Variants in HIKESHI observed in about 807,000 individuals in gnomAD.
HIKESHI encodes heat shock protein nuclear import factor hikeshi.
In HIKESHI, 13 loss-of-function variants were observed where a neutral mutation model predicts 25.7. The ratio of observed to expected loss-of-function variants is 0.51; its 90% CI spans 0.33 to 0.80. The LOEUF (loss-of-function observed/expected upper bound fraction) is 0.80. Ranked by LOEUF, HIKESHI falls within the 30% of genes least tolerant of loss-of-function variation. HIKESHI has a pLI of 0.02. For synonymous variants in HIKESHI, 76 were observed against 78.7 expected (o/e 0.97, Z 0.18); for missense variants, 174 against 229.5 (o/e 0.76, Z 1.56).
At chr11:86,308,912 C>T (rs1250841972) in intron 2 of HIKESHI, among the ~76,000 whole-genome samples, 7 of 152,038 alleles carry the variant, frequency 4.6e-5, no homozygotes, top group Admixed American at 2.6e-4. Context: ...TCCTTTTTTA[C>T]GGCTGCATAG....
chr11:86,310,069 G>A (rs1359839937), intron 2 of HIKESHI, among the ~76,000 whole-genome samples: 1 of 148,062 alleles, frequency 6.8e-6, no homozygotes, highest in Non-Finnish European at 1.5e-5. Flanking sequence ...GGTTCCATAT[G>A]AACTTTAAAG....
chr11:86,316,986 G>C (rs1378104989), intron 2 of HIKESHI, among the ~76,000 whole-genome samples: 1 of 151,554 alleles, frequency 6.6e-6, no homozygotes, highest in East Asian at 1.9e-4. Context: ...TAGAGGCAGG[G>C]TTCCACCTTG....
intron 2 of HIKESHI, among the ~76,000 whole-genome samples, chr11:86,327,376 G>A (rs773046462): frequency 1.7e-4 from 25 of 151,398 alleles, no homozygotes; most frequent in African/African-American, 4.9e-4. Flanking sequence ...GCGTAGTGGC[G>A]CAATCTCGGC....
chr11:86,308,729 C>T (rs550670924), intron 2 of HIKESHI, among the ~76,000 whole-genome samples: 1 of 152,014 alleles, frequency 6.6e-6, no homozygotes, highest in East Asian at 1.9e-4. Context: ...CTCCCCACAC[C>T]CCACAACAGG....
At chr11:86,307,167 C>T (rs1946652863) in intron 2 of HIKESHI, among the ~76,000 whole-genome samples, 1 of 99,488 alleles carries the variant, frequency 1.0e-5, no homozygotes, top group Non-Finnish European at 1.9e-5. Flanking sequence ...GTGTAATATA[C>T]ATCATATATC....
chr11:86,308,558 T>TA (rs1264038260), intron 2 of HIKESHI, among the ~76,000 whole-genome samples: 2 of 136,928 alleles, frequency 1.5e-5, no homozygotes, highest in African/African-American at 5.7e-5. Flanking sequence ...GCCATAATTC[T>TA]TTTTATTTAT....
chr11:86,310,477 G>T (rs1946805791), intron 2 of HIKESHI, among the ~76,000 whole-genome samples: 1 of 152,126 alleles, frequency 6.6e-6, no homozygotes, highest in Non-Finnish European at 1.5e-5. Flanking sequence ...CTAGACGATG[G>T]GGTTTTCTAA....
At chr11:86,325,177 CA>C (rs1361741492) in intron 2 of HIKESHI, among the ~76,000 whole-genome samples, 2 of 142,790 alleles carry the variant, frequency 1.4e-5, no homozygotes, top group Non-Finnish European at 1.5e-5. Flanking sequence ...GACCCTGTCT[CA>C]AAAAAAAAGG....
chr11:86,340,165 G>A (rs1250198151), intron 3 of HIKESHI, among the ~76,000 whole-genome samples: 1 of 152,134 alleles, frequency 6.6e-6, no homozygotes, highest in African/African-American at 2.4e-5. Flanking sequence ...GGACATTTGG[G>A]TTGGTTCCAA....
At position 86,308,248 on chromosome 11, in the gene HIKESHI, T is replaced by A. The variant is rs796477338; in HGVS notation, c.268+1766T>A. On this transcript the variant is annotated intron_variant, in intron 2 of 4. Coordinates refer to ENST00000278483, the MANE Select transcript of HIKESHI (RefSeq NM_016401.4). ...TATAAAATATATATTATATATAAAA[T>A]ATATATTACATATAAAATGTGTATT... is the stretch of plus-strand genomic sequence containing the variant. 1.7e-4 allele frequency among the ~76,000 whole-genome samples: 13 copies of A among 77,276 alleles called. 1 individual carries two copies. Among genetic ancestry groups the A allele is most frequent in the Admixed American group, 3.9e-4 (3 of 7,706 alleles). The allele number at this position is 77,276 out of a possible 152,430, so 50.7% of individuals were successfully genotyped here. A position where few individuals can be genotyped will look rare whatever the true frequency, so the allele number is the denominator to read the frequency against.
chr11:86,333,301 C>T (rs942681805), intron 2 of HIKESHI, among the ~76,000 whole-genome samples: 2 of 151,956 alleles, frequency 1.3e-5, no homozygotes, highest in Admixed American at 6.6e-5. Flanking sequence ...TTTGGGAGGC[C>T]GAGATGGGTG....
intron 2 of HIKESHI, among the ~76,000 whole-genome samples, chr11:86,324,526 T>G (rs1947227008): frequency 6.6e-6 from 1 of 152,202 alleles, no homozygotes; most frequent in Non-Finnish European, 1.5e-5. Context: ...TTTTGGGTGG[T>G]TCTTTACTAG....
At chr11:86,309,068 C>T (rs916094555) in intron 2 of HIKESHI, among the ~76,000 whole-genome samples, 10 of 152,168 alleles carry the variant, frequency 6.6e-5, no homozygotes, top group Admixed American at 6.5e-4. Flanking sequence ...GATTTATAAT[C>T]CTTTGGGTAT....
chr11:86,315,285 A>C lies in HIKESHI; in HGVS notation c.268+8803A>C, dbSNP rs560097984. On this transcript the variant is annotated intron_variant, in intron 2 of 4. Transcript: ENST00000278483. ...GCATTAATAGAAGCCAAAACCAAATAGAATAATATCATTAAAGTGCCCAGG... is the reference window on the plus strand; with the variant it reads ...GCATTAATAGAAGCCAAAACCAAATCGAATAATATCATTAAAGTGCCCAGG... 7.4e-4 allele frequency among the ~76,000 whole-genome samples: 113 copies of C among 152,184 alleles called. 1 individual carries two copies. The highest frequency in any genetic ancestry group is 2.3e-3 in the South Asian group (11 of 4,820).
At chr11:86,316,933 A>ACAG in intron 2 of HIKESHI, among the ~76,000 whole-genome samples, 1 of 151,612 alleles carries the variant, frequency 6.6e-6, no homozygotes. Flanking sequence ...ACCTGGGACT[A>ACAG]CAGGTGACCA....
At chr11:86,313,592 G>C (rs564437584) in intron 2 of HIKESHI, among the ~76,000 whole-genome samples, 1 of 152,328 alleles carries the variant, frequency 6.6e-6, no homozygotes, top group South Asian at 2.1e-4. Flanking sequence ...TAGGTACCAT[G>C]TAGGTAACAT....
At chr11:86,315,823 T>G (rs1329610657) in intron 2 of HIKESHI, among the ~76,000 whole-genome samples, 1 of 152,094 alleles carries the variant, frequency 6.6e-6, no homozygotes, top group African/African-American at 2.4e-5. Context: ...GACAACTTGA[T>G]TGTGTAAAAC....
At chr11:86,305,357 A>G (rs1413595004) in intron 1 of HIKESHI, among the ~76,000 whole-genome samples, 1 of 151,208 alleles carries the variant, frequency 6.6e-6, no homozygotes, top group East Asian at 2.0e-4. Context: ...ATAACCTTTC[A>G]TTTTTACAAC....
At chr11:86,343,773 CT>C (rs1390910976) in intron 3 of HIKESHI, 1 of 152,182 alleles carries the variant, frequency 6.6e-6, no homozygotes. Flanking sequence ...GACCAATTCT[CT>C]TGTGTAGAGA....
Sources: allele counts gnomAD v4.1 joint callset (sites outside exome capture counted in the v4.1 genomes callset), GRCh38; gene constraint gnomAD v4.1.1; transcripts MANE v1.5; gene names NCBI Gene and HGNC (gene_info 2026-07-23, HGNC 2026-07-21).